The following MYT1 variants were observed in gnomAD, a reference collection of about 807,000 sequenced individuals.
The protein encoded by MYT1 is myelin transcription factor I.
Under a neutral mutation model 123.0 loss-of-function variants are expected in MYT1, and 23 were observed. That is an observed-to-expected ratio of 0.19 (90% CI 0.13 to 0.26). The LOEUF (loss-of-function observed/expected upper bound fraction) is 0.26, where lower values mean the gene tolerates loss of function less well. Ranked by LOEUF, MYT1 falls within the 10% of genes least tolerant of loss-of-function variation. MYT1 has a pLI of 1.00. For synonymous variants in MYT1, 518 were observed against 575.3 expected (o/e 0.90, Z 1.43); for missense variants, 1,125 against 1,472.5 (o/e 0.76, Z 3.86).
Position 64,237,297 on chromosome 20 carries a change from T to C in MYT1, c.3000T>C (p.Asn1000=), listed in dbSNP as rs199740102. ...PKFKTSDVLE[N]DEEIKQLNQE... ...TTCTCTCTGGGTCAGTGTTGGAGAA[T>C]GATGAGGAGATCAAGCAGCTGAACC... The change falls in exon 21 of 23, where the codon AAT becomes AAC. Residue 1000 remains asparagine (N), a synonymous_variant. Coordinates refer to ENST00000328439, the MANE Select transcript of MYT1 (RefSeq NM_004535.3). 1.2e-6 allele frequency: 2 copies of C among 1,610,906 alleles called. No homozygotes were observed. The highest frequency in any genetic ancestry group is 3.4e-5 in the Admixed American group (2 of 59,666).
chr20:64,230,310 C>T (rs553064233), intron 18 of MYT1, among the ~76,000 whole-genome samples: 7 of 152,108 alleles, frequency 4.6e-5, no homozygotes, highest in African/African-American at 9.6e-5. Context: ...GTCAGGAGTT[C>T]GAGACCAGCC....
At chr20:64,198,840 C>T (rs200123158) in intron 2 of MYT1, 22 bp from the exon 3 acceptor site, 306 of 1,613,786 alleles carry the variant, frequency 1.9e-4, no homozygotes, top group Non-Finnish European at 2.4e-4. Context: ...TTCTTGTTAA[C>T]GTCGTGGTTT....
chr20:64,227,268 T>C, intron 16 of MYT1, 147 bp from the exon 17 acceptor site: 1 of 653,402 alleles, frequency 1.5e-6, no homozygotes, highest in East Asian at 2.8e-5. Flanking sequence ...GGGGTGAACA[T>C]CGGCGATGCT....
chr20:64,227,007 C>G (rs1464745304), intron 16 of MYT1, among the ~76,000 whole-genome samples: 3 of 152,262 alleles, frequency 2.0e-5, no homozygotes, highest in African/African-American at 4.8e-5. Context: ...CTCAGATATG[C>G]TCTGAATGCC....
chr20:64,231,521 C>T lies in MYT1; in HGVS notation c.2676-643C>T, dbSNP rs868468305. ...CACCATTTAAGGCCAGCCTCAGGCA[C>T]GAGTGATTATGGGTAGCGAGTCTCC... On this transcript the variant is annotated intron_variant, in intron 18 of 22. Coordinates refer to ENST00000328439, the MANE Select transcript of MYT1 (RefSeq NM_004535.3). The surrounding 1 kb of genome is among the most constrained non-coding windows in gnomAD (Gnocchi z 6.4). Among the ~76,000 whole-genome samples, 7 of 152,336 alleles carry T rather than the reference C, an allele frequency of 4.6e-5. No homozygotes were observed. In the East Asian group the frequency reaches 5.8e-4, roughly 13 times the overall value.
intron 18 of MYT1, among the ~76,000 whole-genome samples, chr20:64,228,965 C>G (rs1984247692): frequency 1.3e-5 from 2 of 152,204 alleles, no homozygotes; most frequent in Non-Finnish European, 2.9e-5. Flanking sequence ...AGCCAGACCT[C>G]ACGCCCGGGG....
intron 1 of MYT1, among the ~76,000 whole-genome samples, chr20:64,183,967 C>T (rs972611035): frequency 6.6e-6 from 1 of 152,060 alleles, no homozygotes; most frequent in African/African-American, 2.4e-5. Context: ...ATTACAGACA[C>T]GCACCGCCAT....
At position 64,219,994 on chromosome 20, in the gene MYT1, C is replaced by A; in HGVS notation, c.2241+12C>A. 1 of 1,457,168 alleles carries A rather than the reference C, an allele frequency of 6.9e-7. No individual in the cohort carries two copies. Among genetic ancestry groups the A allele is most frequent in the Non-Finnish European group, 9.1e-7 (1 of 1,102,004 alleles). 90.3% of individuals were successfully genotyped at this position (1,457,168 alleles called of 1,614,324 possible). A position where few individuals can be genotyped will look rare whatever the true frequency, so the allele number is the denominator to read the frequency against. The stretch of plus-strand genomic sequence containing the variant: ...AGGAACCTGAGGAGGTGGGTGCAGG[C>A]GCCTGGGCAAGCAGTCAGGCGGCTG... On this transcript the variant is annotated intron_variant, in intron 13 of 22. Coordinates refer to ENST00000328439, the MANE Select transcript of MYT1 (RefSeq NM_004535.3).
intron 1 of MYT1, among the ~76,000 whole-genome samples, chr20:64,173,478 CA>C: frequency 6.8e-6 from 1 of 147,786 alleles, no homozygotes; most frequent in Non-Finnish European, 1.5e-5. Context: ...TCTCCTCCTG[CA>C]GCATCCTTCC....
Position 64,189,383 on chromosome 20 carries a change from G to T in MYT1, c.-98-680G>T, listed in dbSNP as rs1982903625. Among the ~76,000 whole-genome samples the T allele has an allele frequency of 6.6e-6, 1 of 152,234 alleles. No homozygotes were observed. On this transcript the variant is annotated intron_variant, in intron 1 of 22. Coordinates refer to ENST00000328439, the MANE Select transcript of MYT1 (RefSeq NM_004535.3). This position sits in a 1 kb window ranked among gnomAD's most constrained non-coding sequence, Gnocchi z 5.5. ...ATGCGTTTCTTTGTCATGTCCAGCTGATGCGTTCAGCCTCTGCTCAGACAT... is the reference window on the plus strand; with the variant it reads ...ATGCGTTTCTTTGTCATGTCCAGCTTATGCGTTCAGCCTCTGCTCAGACAT...
chr20:64,237,480 T>G (rs1181676512), intron 21 of MYT1, 90 bp downstream of exon 21: 1 of 1,010,018 alleles, frequency 9.9e-7, no homozygotes, highest in Non-Finnish European at 1.5e-6. Context: ...TCGGCACTCA[T>G]CAAGGTTGCT....
chr20:64,194,935 A>G (rs994744117), intron 2 of MYT1, among the ~76,000 whole-genome samples: 2 of 151,862 alleles, frequency 1.3e-5, no homozygotes, highest in Non-Finnish European at 2.9e-5. Context: ...TTGCTCTGTC[A>G]CCCAGGCTGG....
Position 64,235,636 on chromosome 20 carries a change from C to CTGGCCGTGGTGGGTGACCCTGGGA in MYT1, c.2898-901_2898-878dup, listed in dbSNP as rs1568722614. On this transcript the variant is annotated intron_variant, in intron 19 of 22. Transcript: ENST00000328439. ...GCTGGCTGTGGTGGGTGACCCTGGG[C>CTGGCCGTGGTGGGTGACCCTGGGA]TGGCCGTGGTGGGTGACCCTGGGAT... 1.1e-4 allele frequency among the ~76,000 whole-genome samples: 14 copies of CTGGCCGTGGTGGGTGACCCTGGGA among 131,290 alleles called. No individual in the cohort carries two copies. The East Asian group carries it at 1.9e-3, about 18-fold the overall frequency. 86.1% of individuals were successfully genotyped at this position (131,290 alleles called of 152,430 possible).
intron 3 of MYT1, among the ~76,000 whole-genome samples, chr20:64,199,242 C>T (rs1983217677): frequency 1.3e-5 from 2 of 152,210 alleles, no homozygotes; most frequent in Non-Finnish European, 2.9e-5. Context: ...CAGCCCCCTT[C>T]CTTCCCAGGC....
intron 1 of MYT1, among the ~76,000 whole-genome samples, chr20:64,187,767 G>A (rs1568701534): frequency 6.6e-6 from 1 of 152,252 alleles, no homozygotes; most frequent in Non-Finnish European, 1.5e-5. Context: ...CATTTCCTAG[G>A]AGAGGGAGGC....
chr20:64,173,637 C>A (rs1982362684), intron 1 of MYT1, among the ~76,000 whole-genome samples: 1 of 152,018 alleles, frequency 6.6e-6, no homozygotes. Context: ...CCTCCTGCAG[C>A]ATCTTTCCTT....
rs1982781820 is a variant in MYT1, at chr20:64,185,747, A to G, written c.-98-4316A>G. 6.6e-6 allele frequency among the ~76,000 whole-genome samples: 1 copy of G among 152,172 alleles called. No individual in the cohort carries two copies. The highest frequency in any genetic ancestry group is 1.5e-5 in the Non-Finnish European group (1 of 68,020). On this transcript the variant is annotated intron_variant, in intron 1 of 22. Coordinates refer to ENST00000328439, the MANE Select transcript of MYT1 (RefSeq NM_004535.3). The surrounding 1 kb of genome is among the most constrained non-coding windows in gnomAD (Gnocchi z 4.5). Reference sequence around the variant, plus strand: ...GGGTCCCCCATGGGGTTGTGCGTGGAGTGGCCACAGTGCCAGTGCAAGGAG... The same window carrying G: ...GGGTCCCCCATGGGGTTGTGCGTGGGGTGGCCACAGTGCCAGTGCAAGGAG...
In MYT1 at chr20:64,177,920, A is replaced by G. The variant is rs150799655; in HGVS notation, c.-98-12143A>G. 7.8e-3 allele frequency among the ~76,000 whole-genome samples: 1,193 copies of G among 152,296 alleles called. 12 individuals carry two copies. The highest frequency in any genetic ancestry group is 0.028 in the African/African-American group (1,150 of 41,566). On this transcript the variant is annotated intron_variant, in intron 1 of 22. Coordinates refer to ENST00000328439, the MANE Select transcript of MYT1 (RefSeq NM_004535.3). ...GATGCCCCCAGGAACAAAGCCAGCC[A>G]TCCCTGAGAGAAACCCTGGGTGGGG...
At position 64,220,303 on chromosome 20, in the gene MYT1, G is replaced by A. The variant is rs115393641; in HGVS notation, c.2241+321G>A. ...GAGGCATGGGGAGGAGAAAGGCATC[G>A]TTCAGATCCCAGGAGTTGATTGGGG... On this transcript the variant is annotated intron_variant, in intron 13 of 22. Coordinates refer to ENST00000328439, the MANE Select transcript of MYT1 (RefSeq NM_004535.3). Among the ~76,000 whole-genome samples the A allele has an allele frequency of 7.4e-3, 1,134 of 152,306 alleles. 14 individuals carry two copies. Among genetic ancestry groups the A allele is most frequent in the African/African-American group, 0.026 (1,070 of 41,564 alleles).
Sources: gnomAD v4.1 joint callset for allele counts (sites outside exome capture counted in the v4.1 genomes callset) on GRCh38, gnomAD v4.1.1 for gene constraint, Gnocchi (gnomAD v3.1) non-coding constraint, MANE v1.5 for transcripts, NCBI Gene and HGNC (gene_info 2026-07-23, HGNC 2026-07-21) for gene names.